The following ATP5PO variants were observed in gnomAD, a reference collection of about 807,000 sequenced individuals.
ATP5PO encodes the protein ATP synthase peripheral stalk subunit OSCP, mitochondrial.
Under a neutral mutation model 26.2 loss-of-function variants are expected in ATP5PO, and 14 were observed. The ratio of observed to expected loss-of-function variants is 0.53; its 90% CI spans 0.35 to 0.83. The LOEUF (loss-of-function observed/expected upper bound fraction) is 0.83. ATP5PO is among the 40% of genes least tolerant of loss of function. The pLI, the probability that ATP5PO is intolerant of heterozygous loss-of-function variation, is 0.01. For synonymous variants in ATP5PO, 106 were observed against 95.1 expected, an observed-to-expected ratio of 1.12 and a Z score of -0.67; for missense variants, 241 against 258.5, an observed-to-expected ratio of 0.93 and a Z score of 0.46.
In ATP5PO at chr21:33,914,410, C is replaced by T. The variant is rs200964053; in HGVS notation, c.87+40G>A. The T allele has an allele frequency of 2.1e-5, 34 of 1,586,854 alleles. No homozygotes were observed. In the East Asian group the frequency reaches 4.3e-4, roughly 20 times the overall value. On this transcript the variant is annotated intron_variant, in intron 2 of 6. Coordinates refer to ENST00000290299, the MANE Select transcript of ATP5PO (RefSeq NM_001697.3). ...TGTACTGCTGTTTGACTCACACTTT[C>T]GCGTACTTTATCATTACAGAAGAAT...
At chr21:33,910,594 A>G (rs755134109) in intron 3 of ATP5PO, among the ~76,000 whole-genome samples, 2 of 152,172 alleles carry the variant, frequency 1.3e-5, no homozygotes, top group Non-Finnish European at 2.9e-5. Context: ...CTCCATTGTA[A>G]ACATGATTGT....
intron 1 of ATP5PO, 191 bp from the exon 2 acceptor site, chr21:33,914,691 A>T (rs1987291386): frequency 1.9e-6 from 1 of 520,812 alleles, no homozygotes; most frequent in Non-Finnish European, 3.3e-6. Context: ...GGATTATGCC[A>T]AGTTGCTTGG....
chr21:33,915,359 G>C lies in ATP5PO; in HGVS notation c.36+369C>G, dbSNP rs565081647. The C allele has an allele frequency of 1.7e-5, 5 of 299,206 alleles. No individual in the cohort carries two copies. In the East Asian group the frequency reaches 4.2e-4, roughly 25 times the overall value. The allele number at this position is 299,206 out of a possible 1,614,324, so 18.5% of individuals were successfully genotyped here. A position where few individuals can be genotyped will look rare whatever the true frequency, so the allele number is the denominator to read the frequency against. ...TTACAAATATTCCTTAGCATTACTA[G>C]TAAGTGATCTCTGACAGGTTTTACC... On this transcript the variant is annotated intron_variant, in intron 1 of 6. Transcript: ENST00000290299.
chr21:33,907,946 G>T (rs1456245557), intron 4 of ATP5PO, among the ~76,000 whole-genome samples: 1 of 152,074 alleles, frequency 6.6e-6, no homozygotes, highest in Non-Finnish European at 1.5e-5. Context: ...GCGTCCAGGA[G>T]TAACATGGGT....
rs375689891 is a variant in ATP5PO at position 33,903,539 on chromosome 21, C to A, written c.629G>T (p.Arg210Leu). The change falls in exon 7 of 7, where the codon CGG becomes CTG. Residue 210 changes from arginine to leucine, a missense_variant. By Grantham distance (102) the Arg-to-Leu change is moderately radical (BLOSUM62 -2). Transcript: ENST00000290299. ...AAACCAACACTTTTAGACAATCTCCCGCATAGCCCTGCCCAGCTTCTGAAT... is the reference window on the plus strand; with the variant it reads ...AAACCAACACTTTTAGACAATCTCCAGCATAGCCCTGCCCAGCTTCTGAAT... ...TKIQKLGRAMREIV is the reference protein window; with the variant it reads ...TKIQKLGRAMLEIV 3.1e-6 allele frequency: 5 copies of A among 1,612,738 alleles called. No homozygotes were observed. Among genetic ancestry groups the A allele is most frequent in the Non-Finnish European group, 4.2e-6 (5 of 1,179,460 alleles).
At chr21:33,906,757 G>A in intron 5 of ATP5PO, 1 of 456,244 alleles carries the variant, frequency 2.2e-6, no homozygotes, top group South Asian at 1.5e-5. Context: ...GGAGGCCAAG[G>A]CAGGTGGGTC....
rs748943333 is a variant in ATP5PO, at chr21:33,914,493, C to A, written c.44G>T (p.Cys15Phe). ...AVSGLSRQVR[C>F]FSTSVVRPFA... is the part of the protein sequence containing the mutation. Reference sequence around the variant, plus strand: ...TGGTCTGACCACAGAGGTACTGAAGCATCGCACCTTCAAAGCAATAAAGGA... The same window carrying A: ...TGGTCTGACCACAGAGGTACTGAAGAATCGCACCTTCAAAGCAATAAAGGA... The change falls in exon 2 of 7, where the codon TGC becomes TTC. Residue 15 changes from cysteine (C) to phenylalanine (F), a missense_variant. Around this residue, in one of 3 missense-constraint regions of ATP5PO, gnomAD observed 125 missense variants for 108.5 expected, o/e 1.15. Coordinates refer to ENST00000290299, the MANE Select transcript of ATP5PO (RefSeq NM_001697.3). 5 of 1,612,988 alleles carry A rather than the reference C, an allele frequency of 3.1e-6. No homozygotes were observed. The Admixed American group carries it at 8.4e-5, about 27-fold the overall frequency.
At position 33,912,282 on chromosome 21, in the gene ATP5PO, T is replaced by C. The variant is rs1311284760; in HGVS notation, c.198+7A>G. On this transcript the variant is annotated splice_region_variant and intron_variant, in intron 3 of 6. Transcript: ENST00000290299. ...CTTCATATGTAATGAATAGGAAAGCTACTTACTGCTACTCTCAACAACTCC... is the reference window on the plus strand; with the variant it reads ...CTTCATATGTAATGAATAGGAAAGCCACTTACTGCTACTCTCAACAACTCC... 24 of 1,601,116 alleles carry C rather than the reference T, an allele frequency of 1.5e-5. No homozygotes were observed. Among genetic ancestry groups the C allele is most frequent in the Non-Finnish European group, 1.9e-5 (22 of 1,170,820 alleles).
At chr21:33,906,227 A>G (rs780282985) in intron 5 of ATP5PO, among the ~76,000 whole-genome samples, 3 of 152,204 alleles carry the variant, frequency 2.0e-5, no homozygotes, top group Non-Finnish European at 4.4e-5. Context: ...TGCTACATCT[A>G]TTAATCTAGA....
At chr21:33,914,739 A>G in intron 1 of ATP5PO, 1 of 491,002 alleles carries the variant, frequency 2.0e-6, no homozygotes, top group Non-Finnish European at 3.6e-6. Flanking sequence ...TTTGCTAGGA[A>G]TGGACCGAGG....
At chr21:33,914,225 G>A (rs1431673565) in intron 2 of ATP5PO, among the ~76,000 whole-genome samples, 1 of 150,950 alleles carries the variant, frequency 6.6e-6, no homozygotes, top group Non-Finnish European at 1.5e-5. Flanking sequence ...AAAAACAAAT[G>A]ATTAAAAAGT....
rs1569366904 is a variant in ATP5PO, at chr21:33,909,227, A to C, written c.199-16T>G. The C allele has an allele frequency of 6.2e-7, 1 of 1,604,618 alleles. No homozygotes were observed. The stretch of plus-strand genomic sequence containing the variant: ...TCAGGATTTGCTGAAAGCATCAAAA[A>C]ATAATTTCTTAAATTTTTTAGAGCA... On this transcript the variant is annotated splice_polypyrimidine_tract_variant and intron_variant, in intron 3 of 6. Coordinates refer to ENST00000290299, the MANE Select transcript of ATP5PO (RefSeq NM_001697.3).
chr21:33,913,547 T>C (rs1987275380), intron 2 of ATP5PO, among the ~76,000 whole-genome samples: 1 of 152,228 alleles, frequency 6.6e-6, no homozygotes, highest in Non-Finnish European at 1.5e-5. Flanking sequence ...TTTCCAGCTG[T>C]TAGCCATGTA....
chr21:33,914,767 C>G (rs1421541698), intron 1 of ATP5PO: 1 of 400,820 alleles, frequency 2.5e-6, no homozygotes, highest in African/African-American at 2.0e-5. Flanking sequence ...ACCCGTAAGA[C>G]AGAAAAACAC....
At position 33,909,156 on chromosome 21, in the gene ATP5PO, C is replaced by T. The variant is rs559600046; in HGVS notation, c.254G>A (p.Arg85His). Reference sequence around the variant, plus strand: ...ATTTAGGCTTTTCACTTTAATGGAACGCTTCACATAGGGATTCAAAACAGA... The same window carrying T: ...ATTTAGGCTTTTCACTTTAATGGAATGCTTCACATAGGGATTCAAAACAGA... ...AASVLNPYVK[R>H]SIKVKSLNDI... The change falls in exon 4 of 7, where the codon CGT becomes CAT. Residue 85 changes from arginine to histidine, a missense_variant. Transcript: ENST00000290299. The T allele has an allele frequency of 2.4e-5, 38 of 1,613,474 alleles. No individual in the cohort carries two copies. In the Middle Eastern group the frequency reaches 4.9e-4, roughly 21 times the overall value.
At chr21:33,906,491 G>A (rs917716576) in intron 5 of ATP5PO, 1 of 339,716 alleles carries the variant, frequency 2.9e-6, no homozygotes, top group African/African-American at 2.2e-5. Flanking sequence ...CCTGCATTCG[G>A]TTTCCTCATC....
At chr21:33,907,679 G>A (rs544453657) in intron 4 of ATP5PO, among the ~76,000 whole-genome samples, 48 of 152,264 alleles carry the variant, frequency 3.2e-4, no homozygotes, top group African/African-American at 1.1e-3. Context: ...ACAAAAAAAC[G>A]TTAGGGCTTG....
chr21:33,909,877 T>C (rs1987225984), intron 3 of ATP5PO, among the ~76,000 whole-genome samples: 1 of 152,166 alleles, frequency 6.6e-6, no homozygotes, highest in African/African-American at 2.4e-5. Context: ...ATTTCTAGAG[T>C]GCAGACCTCA....
rs188017451 is a variant in ATP5PO, at chr21:33,915,251, A to G, written c.36+477T>C. 1.4e-3 allele frequency: 230 copies of G among 164,510 alleles called. 2 individuals carry two copies. Among genetic ancestry groups the G allele is most frequent in the Non-Finnish European group, 3.0e-4 (23 of 75,744 alleles). The allele number at this position is 164,510 out of a possible 1,614,324, so 10.2% of individuals were successfully genotyped here. On this transcript the variant is annotated intron_variant, in intron 1 of 6. Transcript: ENST00000290299. ...GGTGATTCCGTGGGTTCAAATCTCA[A>G]TTCTACCACTTACTGACTGAGCAGC...
Sources: allele counts gnomAD v4.1 joint callset (sites outside exome capture counted in the v4.1 genomes callset), GRCh38; gene constraint gnomAD v4.1.1; regional missense constraint gnomAD v4.1.1; transcripts MANE v1.5; gene names NCBI Gene and HGNC (gene_info 2026-07-23, HGNC 2026-07-21).